The following CACNA1D variants were observed in gnomAD, a reference collection of about 807,000 sequenced individuals.
The protein encoded by CACNA1D is voltage-dependent L-type calcium channel subunit alpha-1D.
In CACNA1D, 55 loss-of-function variants were observed where a neutral mutation model predicts 257.1. The observed-to-expected ratio is 0.21, with a 90% confidence interval of 0.17 to 0.27. The LOEUF is 0.27. Ranked by LOEUF, CACNA1D falls within the 10% of genes least tolerant of loss-of-function variation. The probability of loss-of-function intolerance (pLI) is 1.00; values close to 1 mark genes in which losing one functional copy is unlikely to be tolerated. For synonymous variants in CACNA1D, 980 were observed against 1,014.9 expected, an observed-to-expected ratio of 0.97 and a Z score of 0.65; for missense variants, 1,876 against 2,784.0, an observed-to-expected ratio of 0.67 and a Z score of 7.34.
chr3:53,734,569 G>A (rs2095039196), intron 19 of CACNA1D, among the ~76,000 whole-genome samples: 1 of 151,992 alleles, frequency 6.6e-6, no homozygotes, highest in Non-Finnish European at 1.5e-5. Context: ...TGCTAACCAG[G>A]CGCAGGGCAC....
At position 53,800,705 on chromosome 3, in the gene CACNA1D, T is replaced by C; in HGVS notation, c.5040+340T>C. ...CCTCCTTCCCGGGCCAGCTCTTTGA[T>C]CTGCCAGCTGGCTGTCAGTCCCCCA... On this transcript the variant is annotated intron_variant, in intron 41 of 47. Transcript: ENST00000350061. This position sits in a 1 kb window ranked among gnomAD's most constrained non-coding sequence, Gnocchi z 4.3. The C allele has an allele frequency of 2.0e-6, 1 of 492,928 alleles. No homozygotes were observed. The highest frequency in any genetic ancestry group is 3.7e-6 in the Non-Finnish European group (1 of 269,924). 30.5% of individuals were successfully genotyped at this position (492,928 alleles called of 1,614,324 possible).
chr3:53,788,536 T>C (rs2095468194), intron 40 of CACNA1D, among the ~76,000 whole-genome samples: 1 of 152,226 alleles, frequency 6.6e-6, no homozygotes, highest in South Asian at 2.1e-4. Context: ...GTTTGCAGAT[T>C]AGAAGAAGTC....
At chr3:53,722,747 A>G (rs569943793) in intron 12 of CACNA1D, among the ~76,000 whole-genome samples, 3 of 152,208 alleles carry the variant, frequency 2.0e-5, no homozygotes, top group Middle Eastern at 3.4e-3. Context: ...GCTGGAAGGG[A>G]CCTCGTAATC....
chr3:53,629,966 G>C (rs1299873853), intron 3 of CACNA1D, among the ~76,000 whole-genome samples: 1 of 152,206 alleles, frequency 6.6e-6, no homozygotes, highest in Non-Finnish European at 1.5e-5. Flanking sequence ...TGGACCTCAG[G>C]AGGGAACTGA....
Position 53,673,689 on chromosome 3 carries a change from A to T in CACNA1D, c.1220+563A>T. 1 of 1,534,722 alleles carries T rather than the reference A, an allele frequency of 6.5e-7. No homozygotes were observed. Among genetic ancestry groups the T allele is most frequent in the Non-Finnish European group, 9.0e-7 (1 of 1,107,356 alleles). On this transcript the variant is annotated intron_variant, in intron 8 of 47. Transcript: ENST00000350061. The surrounding 1 kb of genome is among the most constrained non-coding windows in gnomAD (Gnocchi z 4.1). Reference sequence around the variant, plus strand: ...GCTCTTTAGTAAATGGATAACTGATAACTGATCTCCTTACATTTTACAGGT... The same window carrying T: ...GCTCTTTAGTAAATGGATAACTGATTACTGATCTCCTTACATTTTACAGGT...
chr3:53,586,060 T>A (rs1479001863), intron 3 of CACNA1D, among the ~76,000 whole-genome samples: 2 of 152,022 alleles, frequency 1.3e-5, no homozygotes, highest in African/African-American at 4.8e-5. Context: ...GGCCCCAAAC[T>A]GTGTATAGGA....
intron 8 of CACNA1D, among the ~76,000 whole-genome samples, chr3:53,695,439 T>A (rs1284692041): frequency 6.6e-6 from 1 of 152,062 alleles, no homozygotes; most frequent in Non-Finnish European, 1.5e-5. Context: ...CTCTTCTCCA[T>A]CCCTCCTCCT....
At chr3:53,659,545 C>T (rs1055372528) in intron 4 of CACNA1D, among the ~76,000 whole-genome samples, 11 of 152,224 alleles carry the variant, frequency 7.2e-5, no homozygotes, top group Admixed American at 7.2e-4. Context: ...TAGACTAGAA[C>T]AGACCACATG....
chr3:53,688,943 A>G (rs1444145607), intron 8 of CACNA1D, among the ~76,000 whole-genome samples: 1 of 152,096 alleles, frequency 6.6e-6, no homozygotes. Context: ...ACCTGTCCTT[A>G]AATCATGGAC....
chr3:53,661,456 T>G (rs2094203070), intron 5 of CACNA1D, among the ~76,000 whole-genome samples: 1 of 152,218 alleles, frequency 6.6e-6, no homozygotes, highest in Non-Finnish European at 1.5e-5. Context: ...ACCACAGAAC[T>G]GTGTGGAATC....
At chr3:53,565,372 G>A (rs2092816270) in intron 3 of CACNA1D, among the ~76,000 whole-genome samples, 1 of 151,940 alleles carries the variant, frequency 6.6e-6, no homozygotes, top group African/African-American at 2.4e-5. Context: ...ACACACATTG[G>A]GGCTTTGGAA....
chr3:53,676,656 T>C (rs1176608677), intron 8 of CACNA1D, among the ~76,000 whole-genome samples: 1 of 152,270 alleles, frequency 6.6e-6, no homozygotes, highest in Non-Finnish European at 1.5e-5. Flanking sequence ...TATCTGTTTT[T>C]GCTCCTTGGC....
intron 3 of CACNA1D, among the ~76,000 whole-genome samples, chr3:53,524,329 C>T (rs1247655894): frequency 1.3e-5 from 2 of 152,218 alleles, no homozygotes; most frequent in Non-Finnish European, 2.9e-5. Flanking sequence ...GTGCCATAAA[C>T]ACAGAATATC....
At chr3:53,708,294 A>G (rs1215843432) in intron 9 of CACNA1D, among the ~76,000 whole-genome samples, 4 of 152,258 alleles carry the variant, frequency 2.6e-5, no homozygotes, top group Non-Finnish European at 5.9e-5. Flanking sequence ...TCAAAATGGA[A>G]GATACTCAAG....
chr3:53,589,567 C>G (rs894813474), intron 3 of CACNA1D, among the ~76,000 whole-genome samples: 2 of 152,182 alleles, frequency 1.3e-5, no homozygotes, highest in Non-Finnish European at 2.9e-5. Context: ...CCAGATGTCC[C>G]CTGGTTCACT....
intron 3 of CACNA1D, among the ~76,000 whole-genome samples, chr3:53,625,049 C>T (rs758990582): frequency 1.3e-5 from 2 of 152,120 alleles, no homozygotes; most frequent in African/African-American, 2.4e-5. Context: ...GTGTTTCTTC[C>T]ATTGTTTTCA....
At position 53,800,513 on chromosome 3, in the gene CACNA1D, T is replaced by C. The variant is rs912401332; in HGVS notation, c.5040+148T>C. The stretch of plus-strand genomic sequence containing the variant: ...GGGCTTTCAGACCACACCCTCCCCC[T>C]CTTACAGACCCTCCCCAGGCATCAG... On this transcript the variant is annotated intron_variant, in intron 41 of 47. Coordinates refer to ENST00000350061, the MANE Select transcript of CACNA1D (RefSeq NM_001128840.3). This position sits in a 1 kb window ranked among gnomAD's most constrained non-coding sequence, Gnocchi z 4.3. 1 of 741,534 alleles carries C rather than the reference T, an allele frequency of 1.3e-6. No individual in the cohort carries two copies. The highest frequency in any genetic ancestry group is 2.5e-6 in the Non-Finnish European group (1 of 403,614). 45.9% of individuals were successfully genotyped at this position (741,534 alleles called of 1,614,324 possible).
chr3:53,541,856 C>T (rs1024263119), intron 3 of CACNA1D, among the ~76,000 whole-genome samples: 5 of 152,108 alleles, frequency 3.3e-5, no homozygotes, highest in Non-Finnish European at 5.9e-5. Flanking sequence ...GTATTACTCC[C>T]TCCAGGACAT....
chr3:53,783,492 A>G (rs986036961), intron 39 of CACNA1D, among the ~76,000 whole-genome samples: 2 of 152,194 alleles, frequency 1.3e-5, no homozygotes, highest in African/African-American at 2.4e-5. Context: ...GTTTTAATCT[A>G]TTCCACAACG....
Sources: gnomAD v4.1 joint callset for allele counts (sites outside exome capture counted in the v4.1 genomes callset) on GRCh38, gnomAD v4.1.1 for gene constraint, Gnocchi (gnomAD v3.1) non-coding constraint, MANE v1.5 for transcripts, NCBI Gene and HGNC (gene_info 2026-07-23, HGNC 2026-07-21) for gene names.